Variants in CLDN10 observed in about 807,000 individuals in gnomAD.
CLDN10 encodes claudin-10.
Under a neutral mutation model 22.9 loss-of-function variants are expected in CLDN10, and 15 were observed. The observed-to-expected ratio is 0.65, with a 90% CI of 0.44 to 1.01. CLDN10 has a LOEUF of 1.01. CLDN10 is among the 50% of genes least tolerant of loss of function. The probability of loss-of-function intolerance (pLI) is 0.00; values close to 1 mark genes in which losing one functional copy is unlikely to be tolerated. For missense variants in CLDN10, 247 were observed against 287.8 expected, an observed-to-expected ratio of 0.86 and a Z score of 1.03; for synonymous variants, 114 against 111.4, an observed-to-expected ratio of 1.02 and a Z score of -0.15.
At chr13:95,547,716 G>A (rs191383849) in intron 1 of CLDN10, among the ~76,000 whole-genome samples, 4 of 152,208 alleles carry the variant, frequency 2.6e-5, no homozygotes, top group Admixed American at 2.0e-4. Context: ...CCCTCTGTCC[G>A]CTATATCTCC....
chr13:95,475,955 G>A (rs544955428), intron 1 of CLDN10, among the ~76,000 whole-genome samples: 5 of 152,110 alleles, frequency 3.3e-5, no homozygotes, highest in East Asian at 1.9e-4. Flanking sequence ...GCCCCTGAGC[G>A]TGCTGGGTGG....
chr13:95,494,641 G>C (rs781456202), intron 1 of CLDN10, among the ~76,000 whole-genome samples: 2 of 152,168 alleles, frequency 1.3e-5, no homozygotes, highest in Non-Finnish European at 2.9e-5. Flanking sequence ...ATTGATTGCT[G>C]TGTTAAATGC....
At chr13:95,557,988 A>G (rs1194305289) in intron 1 of CLDN10, among the ~76,000 whole-genome samples, 3 of 152,210 alleles carry the variant, frequency 2.0e-5, no homozygotes, top group African/African-American at 7.2e-5. Context: ...CTGTTAACAA[A>G]GCATGGAAGT....
intron 1 of CLDN10, among the ~76,000 whole-genome samples, chr13:95,506,166 G>C (rs1165376895): frequency 1.3e-5 from 2 of 151,986 alleles, no homozygotes; most frequent in African/African-American, 4.8e-5. Context: ...GTGTGTGCCT[G>C]TGTGTGTGTG....
At chr13:95,438,166 A>G (rs1285654295) in intron 1 of CLDN10, among the ~76,000 whole-genome samples, 3 of 152,144 alleles carry the variant, frequency 2.0e-5, no homozygotes, top group African/African-American at 7.2e-5. Flanking sequence ...TGATCCTCCC[A>G]TCTCAGCCTC....
intron 1 of CLDN10, among the ~76,000 whole-genome samples, chr13:95,537,191 G>A (rs1217144512): frequency 6.6e-6 from 1 of 152,194 alleles, no homozygotes; most frequent in Non-Finnish European, 1.5e-5. Context: ...ATTTTAGGAT[G>A]TATTTCCATT....
intron 1 of CLDN10, among the ~76,000 whole-genome samples, chr13:95,466,593 T>C (rs923371463): frequency 6.6e-6 from 1 of 151,960 alleles, no homozygotes; most frequent in Admixed American, 6.6e-5. Flanking sequence ...ACTGAAATCA[T>C]ATAGTTTAGG....
intron 1 of CLDN10, among the ~76,000 whole-genome samples, chr13:95,484,841 G>T (rs2042786893): frequency 7.2e-6 from 1 of 139,412 alleles, no homozygotes; most frequent in Non-Finnish European, 1.5e-5. Context: ...ACTCCAGCCT[G>T]GGTAACAAAG....
chr13:95,577,474 C>A, intron 4 of CLDN10, 136 bp downstream of exon 4: 1 of 645,630 alleles, frequency 1.5e-6, no homozygotes. Context: ...GTTAGCAGTA[C>A]AGTTAATTTT....
intron 1 of CLDN10, among the ~76,000 whole-genome samples, chr13:95,454,984 G>A (rs745421338): frequency 1.4e-4 from 21 of 152,048 alleles, no homozygotes; most frequent in African/African-American, 3.9e-4. Flanking sequence ...GCCACAAGTT[G>A]GAGACCAGCC....
chr13:95,549,508 A>G (rs988979746), upstream of CLDN10, among the ~76,000 whole-genome samples: 6 of 152,346 alleles, frequency 3.9e-5, no homozygotes, highest in Middle Eastern at 3.4e-3. Flanking sequence ...ATGCTACTCC[A>G]TAATATCTTT....
intron 1 of CLDN10, among the ~76,000 whole-genome samples, chr13:95,503,777 G>A (rs1566305285): frequency 6.6e-6 from 1 of 152,114 alleles, no homozygotes; most frequent in South Asian, 2.1e-4. Context: ...CTTATATAAG[G>A]CACTTAGTCA....
At chr13:95,532,189 T>A (rs2043350417) in intron 1 of CLDN10, among the ~76,000 whole-genome samples, 1 of 152,134 alleles carries the variant, frequency 6.6e-6, no homozygotes. Context: ...CATTTAAAAC[T>A]TCTGCTCATC....
intron 1 of CLDN10, among the ~76,000 whole-genome samples, chr13:95,436,191 T>G (rs1386823697): frequency 1.3e-5 from 2 of 152,146 alleles, no homozygotes; most frequent in African/African-American, 4.8e-5. Context: ...TATTTTTTAT[T>G]TATTGTTTTT....
chr13:95,544,465 T>C lies in CLDN10; in HGVS notation c.215-15667T>C, dbSNP rs77667816. On this transcript the variant is annotated intron_variant, in intron 1 of 4. Coordinates refer to the CLDN10 transcript ENST00000376873. ...AGAAATCCTAGAGGTGTGGCAGTTA[T>C]GATAATACAGGCAAAACATGACATC... 5.2e-3 allele frequency among the ~76,000 whole-genome samples: 799 copies of C among 152,318 alleles called. 9 individuals carry two copies. The highest frequency in any genetic ancestry group is 0.041 in the East Asian group (211 of 5,184).
At chr13:95,559,055 T>C (rs1226242891) in intron 1 of CLDN10, among the ~76,000 whole-genome samples, 1 of 152,216 alleles carries the variant, frequency 6.6e-6, no homozygotes, top group Non-Finnish European at 1.5e-5. Context: ...AAATGACTTA[T>C]CATATATTGA....
chr13:95,564,558 T>C (rs2043758493), intron 3 of CLDN10, among the ~76,000 whole-genome samples: 1 of 152,210 alleles, frequency 6.6e-6, no homozygotes, highest in South Asian at 2.1e-4. Context: ...ATGGTTTTGT[T>C]GTTCTTGCTT....
intron 1 of CLDN10, among the ~76,000 whole-genome samples, chr13:95,483,778 G>A (rs1365957018): frequency 1.3e-5 from 2 of 152,164 alleles, no homozygotes; most frequent in Admixed American, 6.5e-5. Flanking sequence ...TTGGTCACTC[G>A]ATATGAGCTT....
chr13:95,569,630 G>A (rs2043829573), intron 3 of CLDN10, among the ~76,000 whole-genome samples: 2 of 152,108 alleles, frequency 1.3e-5, no homozygotes, highest in South Asian at 4.1e-4. Flanking sequence ...AATAAGGCTT[G>A]TGTAATTTAA....
Sources: gnomAD v4.1 joint callset for allele counts (sites outside exome capture counted in the v4.1 genomes callset) on GRCh38, gnomAD v4.1.1 for gene constraint, MANE v1.5 for transcripts, NCBI Gene and HGNC (gene_info 2026-07-23, HGNC 2026-07-21) for gene names.